Variants in SLIT2 observed in about 807,000 individuals in gnomAD.
SLIT2 encodes the protein slit homolog 2 protein.
Under a neutral mutation model 185.7 loss-of-function variants are expected in SLIT2, and 41 were observed. The observed-to-expected ratio is 0.22, with a 90% CI of 0.17 to 0.29. SLIT2 has a LOEUF of 0.29. SLIT2 is among the 10% of genes least tolerant of loss of function. The pLI is 1.00. For synonymous variants in SLIT2, 693 were observed against 680.2 expected (o/e 1.02, Z -0.29); for missense variants, 1,571 against 1,909.0 (o/e 0.82, Z 3.30).
chr4:20,618,697 G>A, intron 36 of SLIT2, 71 bp from the exon 37 acceptor site: 1 of 1,455,092 alleles, frequency 6.9e-7, no homozygotes, highest in Non-Finnish European at 9.2e-7. Flanking sequence ...ATTAAGTTGT[G>A]GATTCACAGT....
chr4:20,339,413 T>C (rs775871716), intron 4 of SLIT2, among the ~76,000 whole-genome samples: 19 of 152,148 alleles, frequency 1.2e-4, no homozygotes, highest in Non-Finnish European at 2.5e-4. Context: ...CAGAATTTAA[T>C]TTCAAGAAAG....
intron 4 of SLIT2, among the ~76,000 whole-genome samples, chr4:20,442,921 AAG>A (rs1237267001): frequency 1.3e-5 from 2 of 152,166 alleles, no homozygotes; most frequent in Admixed American, 6.5e-5. Context: ...AAATAAATGA[AAG>A]AGAAAATTTT....
chr4:20,345,777 A>G (rs1234483967), intron 4 of SLIT2, among the ~76,000 whole-genome samples: 6 of 151,288 alleles, frequency 4.0e-5, no homozygotes, highest in African/African-American at 1.5e-4. Context: ...CTCATGATCC[A>G]CCCACCTCGG....
chr4:20,288,631 A>T (rs541611520), intron 4 of SLIT2, among the ~76,000 whole-genome samples: 1 of 152,342 alleles, frequency 6.6e-6, no homozygotes, highest in East Asian at 1.9e-4. Context: ...ATACAAAATG[A>T]ACGGCTATGG....
At chr4:20,300,733 A>G (rs995396148) in intron 4 of SLIT2, among the ~76,000 whole-genome samples, 3 of 152,100 alleles carry the variant, frequency 2.0e-5, no homozygotes, top group Non-Finnish European at 4.4e-5. Flanking sequence ...TAGATTACCT[A>G]TTTTAAATTT....
chr4:20,596,662 G>C lies in SLIT2; in HGVS notation c.3561+7G>C, dbSNP rs1728005381. ...GACGAACATAACACTTCAGGTAAGA[G>C]ATCTCTCTCTATGGAGAGATGATCG... On this transcript the variant is annotated splice_region_variant and intron_variant, in intron 32 of 36. Coordinates refer to ENST00000504154, the MANE Select transcript of SLIT2 (RefSeq NM_004787.4). 1 of 1,609,688 alleles carries C rather than the reference G, an allele frequency of 6.2e-7. No individual in the cohort carries two copies. The highest frequency in any genetic ancestry group is 8.5e-7 in the Non-Finnish European group (1 of 1,179,348).
In SLIT2 at chr4:20,467,744, GTT is replaced by G; in HGVS notation, c.396-4_396-3del. On this transcript the variant is annotated splice_region_variant and splice_polypyrimidine_tract_variant and intron_variant, in intron 4 of 36. Transcript: ENST00000504154. Reference sequence around the variant, plus strand: ...TAACGTGATCCTTTTTGTTGTTGTTGTTTTTAGTGATCTCAGTGAAAACCAAA... The same window carrying G: ...TAACGTGATCCTTTTTGTTGTTGTTGTTTAGTGATCTCAGTGAAAACCAAA... 1 of 1,553,142 alleles carries G rather than the reference GTT, an allele frequency of 6.4e-7. No individual in the cohort carries two copies. Among genetic ancestry groups the G allele is most frequent in the Non-Finnish European group, 8.8e-7 (1 of 1,133,226 alleles).
intron 24 of SLIT2, among the ~76,000 whole-genome samples, chr4:20,549,389 A>G (rs560788373): frequency 6.6e-6 from 1 of 152,276 alleles, no homozygotes; most frequent in South Asian, 2.1e-4. Flanking sequence ...ATTAAGACAT[A>G]TGGTTTATAG....
intron 35 of SLIT2, 79 bp from the exon 36 acceptor site, chr4:20,617,360 T>C: frequency 6.9e-7 from 1 of 1,448,532 alleles, no homozygotes; most frequent in East Asian, 2.3e-5. Flanking sequence ...TCAATCATCC[T>C]CCATTCTTAT....
At chr4:20,595,255 G>A (rs1221919421) in intron 30 of SLIT2, among the ~76,000 whole-genome samples, 1 of 152,096 alleles carries the variant, frequency 6.6e-6, no homozygotes, top group Non-Finnish European at 1.5e-5. Flanking sequence ...AATTAAAAAT[G>A]TTAATCTTTT....
At chr4:20,425,177 A>AT (rs1728455009) in intron 4 of SLIT2, among the ~76,000 whole-genome samples, 1 of 152,030 alleles carries the variant, frequency 6.6e-6, no homozygotes, top group Non-Finnish European at 1.5e-5. Flanking sequence ...GGCAAACCTT[A>AT]TTTTTTTAAT....
Position 20,533,705 on chromosome 4 carries a change from C to T in SLIT2, c.1822C>T (p.Leu608Phe), listed in dbSNP as rs1445917258. The change falls in exon 18 of 37, where the codon CTC (leucine) becomes TTC (phenylalanine). Residue 608 changes from leucine to phenylalanine, a missense_variant. Transcript: ENST00000504154. Reference protein sequence around the residue: ...QHKMFKGLESLKTLMLRSNRI... With the variant: ...QHKMFKGLESFKTLMLRSNRI... ...TAAGATGTTCAAGGGATTGGAAAGC[C>T]TCAAAACTTTGTAAGTATTTGTACT... 6.2e-7 allele frequency: 1 copy of T among 1,610,426 alleles called. No homozygotes were observed. Among genetic ancestry groups the T allele is most frequent in the Admixed American group, 1.7e-5 (1 of 59,228 alleles).
intron 14 of SLIT2, 32 bp from the exon 15 acceptor site, chr4:20,525,117 A>C: frequency 6.4e-7 from 1 of 1,558,350 alleles, no homozygotes; most frequent in Admixed American, 1.7e-5. Context: ...ATTCAGGTGC[A>C]TCTTCTATTT....
At chr4:20,322,946 G>A (rs1217673669) in intron 4 of SLIT2, among the ~76,000 whole-genome samples, 1 of 152,116 alleles carries the variant, frequency 6.6e-6, no homozygotes, top group Admixed American at 6.5e-5. Context: ...TGGATTAGTT[G>A]AGTACCATTT....
chr4:20,279,092 T>TA (rs1281336444), intron 4 of SLIT2, among the ~76,000 whole-genome samples: 3 of 151,868 alleles, frequency 2.0e-5, no homozygotes, highest in African/African-American at 4.8e-5. Context: ...GCTTGCCTCT[T>TA]AAAAAAAATA....
intron 26 of SLIT2, among the ~76,000 whole-genome samples, chr4:20,557,259 C>T (rs1003812377): frequency 6.6e-6 from 1 of 152,190 alleles, no homozygotes; most frequent in Admixed American, 6.5e-5. Context: ...TTATTGGAAG[C>T]AGATGTCATC....
chr4:20,385,379 C>A (rs1724856034), intron 4 of SLIT2, among the ~76,000 whole-genome samples: 1 of 152,020 alleles, frequency 6.6e-6, no homozygotes, highest in African/African-American at 2.4e-5. Flanking sequence ...GGTAGATGCT[C>A]AGTAAATATT....
intron 5 of SLIT2, among the ~76,000 whole-genome samples, chr4:20,472,275 T>TATAG (rs1715189903): frequency 2.9e-5 from 1 of 34,050 alleles, no homozygotes; most frequent in African/African-American, 1.9e-4. Context: ...TAGATATATA[T>TATAG]CTATATATAT....
chr4:20,323,747 G>C (rs185429588), intron 4 of SLIT2, among the ~76,000 whole-genome samples: 51 of 152,112 alleles, frequency 3.4e-4, no homozygotes, highest in African/African-American at 1.1e-3. Flanking sequence ...GCTGGCATAG[G>C]AAAAAACAGA....
Sources: allele counts gnomAD v4.1 joint callset (sites outside exome capture counted in the v4.1 genomes callset), GRCh38; gene constraint gnomAD v4.1.1; transcripts MANE v1.5; gene names NCBI Gene and HGNC (gene_info 2026-07-23, HGNC 2026-07-21).